Variants in ARSG observed in about 807,000 individuals in gnomAD.
The protein encoded by ARSG is ASG.
Under a neutral mutation model 50.5 loss-of-function variants are expected in ARSG, and 37 were observed. The ratio of observed to expected loss-of-function variants is 0.73; its 90% CI spans 0.56 to 0.96. The LOEUF (loss-of-function observed/expected upper bound fraction) is 0.96. ARSG is among the 50% of genes least tolerant of loss of function. The pLI is 0.00. For missense variants in ARSG, 629 were observed against 675.3 expected (o/e 0.93, Z 0.76); for synonymous variants, 225 against 254.6 (o/e 0.88, Z 1.11).
At chr17:68,299,227 C>T (rs2076323039) in intron 1 of ARSG, among the ~76,000 whole-genome samples, 1 of 151,046 alleles carries the variant, frequency 6.6e-6, no homozygotes, top group Non-Finnish European at 1.5e-5. Flanking sequence ...GCCTCAGCCT[C>T]CTGAGTAGCC....
At chr17:68,343,348 G>C (rs1286032318) in intron 2 of ARSG, among the ~76,000 whole-genome samples, 3 of 152,078 alleles carry the variant, frequency 2.0e-5, no homozygotes, top group African/African-American at 7.2e-5. Flanking sequence ...GTAGAGACGG[G>C]GTTTCACCAT....
intron 1 of ARSG, among the ~76,000 whole-genome samples, chr17:68,265,157 A>G (rs1242801724): frequency 1.5e-5 from 2 of 131,920 alleles, no homozygotes. Context: ...TCCATCTCAG[A>G]AAAAAAAAAA....
downstream of ARSG, chr17:68,426,252 G>GGGGGGGGGGT: frequency 8.5e-6 from 7 of 828,188 alleles, 1 homozygote; most frequent in Admixed American, 4.7e-5. Flanking sequence ...TGGGGAGCGG[G>GGGGGGGGGGT]GGCTCAAATA....
chr17:68,343,268 T>C (rs893878551), intron 2 of ARSG, among the ~76,000 whole-genome samples: 13 of 152,200 alleles, frequency 8.5e-5, no homozygotes, highest in Non-Finnish European at 1.8e-4. Flanking sequence ...GCAATTCTCC[T>C]GTCTCAGCCT....
chr17:68,286,975 TG>T (rs1555754514), upstream of ARSG, among the ~76,000 whole-genome samples: 1 of 152,216 alleles, frequency 6.6e-6, no homozygotes, highest in East Asian at 1.9e-4. Context: ...GTTTAGAAGA[TG>T]GTGGACTTTT....
intron 2 of ARSG, among the ~76,000 whole-genome samples, chr17:68,332,927 A>T (rs1388342143): frequency 2.0e-5 from 3 of 152,214 alleles, no homozygotes. Flanking sequence ...AAATGAAGCC[A>T]GGGGCAACAG....
At chr17:68,317,594 A>G (rs1374544629) in intron 2 of ARSG, among the ~76,000 whole-genome samples, 5 of 152,076 alleles carry the variant, frequency 3.3e-5, no homozygotes, top group Admixed American at 2.0e-4. Context: ...CAAGGCCCCA[A>G]GTCCCCTCGC....
intron 3 of ARSG, among the ~76,000 whole-genome samples, chr17:68,344,145 C>T (rs1049846761): frequency 5.9e-5 from 9 of 152,138 alleles, no homozygotes; most frequent in East Asian, 5.8e-4. Flanking sequence ...TGCCATCCAG[C>T]GACTTTAGGC....
chr17:68,261,982 T>G (rs1261254540), intron 1 of ARSG, among the ~76,000 whole-genome samples: 2 of 149,930 alleles, frequency 1.3e-5, no homozygotes, highest in African/African-American at 4.9e-5. Context: ...CGAAACCCCA[T>G]CTCTACTAAA....
the ARSG span, among the ~76,000 whole-genome samples, chr17:68,433,225 G>A: frequency 2.6e-5 from 4 of 152,246 alleles, no homozygotes; most frequent in East Asian, 1.9e-4. Context: ...TTATCTTCCC[G>A]GGATCTCTGG....
chr17:68,333,777 G>A (rs987542302), intron 2 of ARSG, among the ~76,000 whole-genome samples: 1 of 152,136 alleles, frequency 6.6e-6, no homozygotes, highest in Non-Finnish European at 1.5e-5. Context: ...GCTGGGTAGA[G>A]ATGAATATTT....
chr17:68,411,954 T>A (rs2082024128), intron 11 of ARSG, among the ~76,000 whole-genome samples: 1 of 151,972 alleles, frequency 6.6e-6, no homozygotes, highest in Non-Finnish European at 1.5e-5. Flanking sequence ...CCTGCCTTTT[T>A]TTGTTTTCCA....
At chr17:68,281,951 C>T (rs2075708906) in intron 1 of ARSG, among the ~76,000 whole-genome samples, 1 of 152,152 alleles carries the variant, frequency 6.6e-6, no homozygotes, top group Non-Finnish European at 1.5e-5. Flanking sequence ...GGCAATTCCT[C>T]AAGGATCTAG....
downstream of ARSG, chr17:68,424,693 T>G: frequency 2.9e-6 from 1 of 342,968 alleles, no homozygotes; most frequent in South Asian, 2.1e-5. Context: ...GTGACCAACA[T>G]GGTGAAACCC....
the ARSG span, chr17:68,433,388 G>T: frequency 1.6e-6 from 2 of 1,265,344 alleles, no homozygotes; most frequent in East Asian, 2.3e-5. Context: ...AGAAAGAAAA[G>T]AGATCATTCA....
At chr17:68,309,079 G>A (rs2076733821) in intron 2 of ARSG, among the ~76,000 whole-genome samples, 1 of 152,238 alleles carries the variant, frequency 6.6e-6, no homozygotes, top group Non-Finnish European at 1.5e-5. Context: ...AAGGCTCGGT[G>A]AGAAATCGAG....
intron 4 of ARSG, among the ~76,000 whole-genome samples, chr17:68,347,884 T>A (rs191833106): frequency 9.6e-4 from 147 of 152,356 alleles, no homozygotes; most frequent in African/African-American, 3.3e-3. Context: ...ATTCTCTGAC[T>A]ATTTTGCAGA....
At chr17:68,304,542 A>G (rs7209219) in intron 1 of ARSG, among the ~76,000 whole-genome samples, 19,905 of 152,154 alleles carry the variant, frequency 0.13, 1,384 homozygotes, top group Middle Eastern at 0.16. Flanking sequence ...ACCCCCATCC[A>G]TGTGGATTGA....
intron 2 of ARSG, among the ~76,000 whole-genome samples, chr17:68,314,489 G>T (rs2076992864): frequency 6.9e-6 from 1 of 145,338 alleles, no homozygotes; most frequent in African/African-American, 2.6e-5. Context: ...TTGCGCCATT[G>T]TACTCCAGCC....
Sources: gnomAD v4.1 joint callset for allele counts (sites outside exome capture counted in the v4.1 genomes callset) on GRCh38, gnomAD v4.1.1 for gene constraint, MANE v1.5 for transcripts, NCBI Gene and HGNC (gene_info 2026-07-23, HGNC 2026-07-21) for gene names.